Variants in SH3BGR observed in about 807,000 individuals in gnomAD.
SH3BGR encodes the protein SH3 domain-binding glutamic acid-rich protein.
Under a neutral mutation model 24.5 loss-of-function variants are expected in SH3BGR, and 29 were observed. The observed-to-expected ratio is 1.18, with a 90% CI of 0.88 to 1.61. The LOEUF is 1.61. SH3BGR is among the 40% of genes most tolerant of loss of function. The probability of loss-of-function intolerance (pLI) is 0.00; values close to 1 mark genes in which losing one functional copy is unlikely to be tolerated. For missense variants in SH3BGR, 162 were observed against 205.8 expected (o/e 0.79, Z 1.30); for synonymous variants, 55 against 65.7 (o/e 0.84, Z 0.79).
chr21:39,478,337 G>A (rs990344929), intron 3 of SH3BGR, among the ~76,000 whole-genome samples: 1 of 152,164 alleles, frequency 6.6e-6, no homozygotes. Context: ...AACCGGGAAG[G>A]TGCCGCTCCA....
intron 3 of SH3BGR, among the ~76,000 whole-genome samples, chr21:39,497,729 AT>A (rs2078423177): frequency 6.6e-6 from 1 of 152,166 alleles, no homozygotes; most frequent in African/African-American, 2.4e-5. Context: ...TTTATAAAAA[AT>A]ATGCCCTTAT....
chr21:39,473,810 A>G (rs538877721), intron 2 of SH3BGR, among the ~76,000 whole-genome samples: 1 of 151,552 alleles, frequency 6.6e-6, no homozygotes, highest in South Asian at 2.1e-4. Flanking sequence ...GCTTGAACCC[A>G]GGAGGCAGAG....
intron 4 of SH3BGR, among the ~76,000 whole-genome samples, chr21:39,507,183 A>C (rs1338339536): frequency 3.9e-5 from 6 of 152,194 alleles, no homozygotes; most frequent in Non-Finnish European, 8.8e-5. Context: ...TCTTGGCCTG[A>C]TTCAGACCTG....
chr21:39,489,418 G>A (rs982312912), intron 3 of SH3BGR, among the ~76,000 whole-genome samples: 1 of 152,236 alleles, frequency 6.6e-6, no homozygotes. Flanking sequence ...GCCCTGCACA[G>A]CCTCAGTGGT....
At chr21:39,508,917 A>G (rs1466042344) in intron 4 of SH3BGR, 81 bp from the exon 5 acceptor site, 2 of 1,044,956 alleles carry the variant, frequency 1.9e-6, no homozygotes, top group Non-Finnish European at 2.9e-6. Context: ...GTATTTTATT[A>G]TAGTTTGCTT....
At chr21:39,447,666 G>T (rs915591531), upstream of SH3BGR, among the ~76,000 whole-genome samples, 4 of 151,948 alleles carry the variant, frequency 2.6e-5, no homozygotes, top group African/African-American at 7.3e-5. Context: ...TGATCTGCCC[G>T]CCTCGGCCTC....
At position 39,488,351 on chromosome 21, in the gene SH3BGR, C is replaced by G. The variant is rs141371587; in HGVS notation, c.313-11472C>G. 47 of 222,882 alleles carry G rather than the reference C, an allele frequency of 2.1e-4. 1 individual carries two copies. In the East Asian group the frequency reaches 4.7e-3, roughly 22 times the overall value. 13.8% of individuals were successfully genotyped at this position (222,882 alleles called of 1,614,324 possible). A position where few individuals can be genotyped will look rare whatever the true frequency, so the allele number is the denominator to read the frequency against. ...CATGTAACTTCATTGAGAACCAGAC[C>G]GCAGAGTTCAAGGAGGCCTTCCAGC... is the stretch of plus-strand genomic sequence containing the variant. On this transcript the variant is annotated intron_variant, in intron 3 of 6. Coordinates refer to ENST00000333634, the MANE Select transcript of SH3BGR (RefSeq NM_007341.3).
chr21:39,446,536 C>T (rs1034256200), intron 1 of SH3BGR, among the ~76,000 whole-genome samples: 1 of 152,110 alleles, frequency 6.6e-6, no homozygotes, highest in Non-Finnish European at 1.5e-5. Context: ...GTAAGTGTCC[C>T]GATACTTGGC....
intron 2 of SH3BGR, among the ~76,000 whole-genome samples, chr21:39,472,678 C>T (rs1473278846): frequency 6.6e-6 from 1 of 152,064 alleles, no homozygotes; most frequent in African/African-American, 2.4e-5. Flanking sequence ...GAATATTTTC[C>T]CCTTCACCCA....
At chr21:39,481,237 G>T (rs1211952484) in intron 3 of SH3BGR, among the ~76,000 whole-genome samples, 1 of 152,206 alleles carries the variant, frequency 6.6e-6, no homozygotes, top group African/African-American at 2.4e-5. Context: ...GGTAGAGGCA[G>T]GAGGATAGTT....
intron 3 of SH3BGR, among the ~76,000 whole-genome samples, chr21:39,483,293 AAAAAT>A (rs769796296): frequency 6.6e-6 from 1 of 152,212 alleles, no homozygotes; most frequent in Non-Finnish European, 1.5e-5. Context: ...TTTCAGCAAC[AAAAAT>A]AAAATAAAAT....
chr21:39,510,170 C>T (rs1450822846), intron 5 of SH3BGR, among the ~76,000 whole-genome samples: 4 of 126,560 alleles, frequency 3.2e-5, no homozygotes, highest in Middle Eastern at 4.7e-3. Flanking sequence ...TCTCGATCTC[C>T]TGACCTTGTG....
chr21:39,508,950 C>T (rs762250060), intron 4 of SH3BGR, 48 bp from the exon 5 acceptor site: 13 of 1,398,824 alleles, frequency 9.3e-6, no homozygotes, highest in South Asian at 3.7e-5. Flanking sequence ...TGACTTTAAA[C>T]GTACTTGAAT....
At chr21:39,466,569 AG>A (rs1366763499) in intron 2 of SH3BGR, among the ~76,000 whole-genome samples, 4 of 152,244 alleles carry the variant, frequency 2.6e-5, no homozygotes, top group Non-Finnish European at 5.9e-5. Context: ...ATGGCTGGAA[AG>A]GCCTCAGGAA....
intron 3 of SH3BGR, among the ~76,000 whole-genome samples, chr21:39,481,163 C>T (rs191683089): frequency 2.8e-4 from 43 of 152,184 alleles, no homozygotes; most frequent in Admixed American, 1.0e-3. Context: ...TAGTAGCAGT[C>T]GCAACAAGAA....
rs771145084 is a variant in SH3BGR, at chr21:39,511,703, T to A, written c.459T>A (p.Gly153=). 1.1e-5 allele frequency: 17 copies of A among 1,610,374 alleles called. No homozygotes were observed. In the East Asian group the frequency reaches 3.8e-4, roughly 36 times the overall value. The change falls in exon 6 of 7, where the codon GGT becomes GGA. Residue 153 remains glycine (G), a synonymous_variant. Transcript: ENST00000333634. The surrounding 1 kb of genome is among the most constrained non-coding windows in gnomAD (Gnocchi z 4.2). ...TEETEEIAME[G]AEGEAEEEEE... The stretch of plus-strand genomic sequence containing the variant: ...AGACGGAAGAAATAGCCATGGAGGG[T>A]GCGGAAGGGGAAGCCGAGGAGGAGG...
At chr21:39,500,002 C>A in intron 4 of SH3BGR, 87 bp downstream of exon 4, 1 of 957,048 alleles carries the variant, frequency 1.0e-6, no homozygotes, top group Non-Finnish European at 1.7e-6. Flanking sequence ...ACTCTGGGCA[C>A]AAGCAGTCAG....
rs2078687108 is a variant in SH3BGR, at chr21:39,511,204, G to T, written c.436-476G>T. 6.6e-6 allele frequency among the ~76,000 whole-genome samples: 1 copy of T among 151,068 alleles called. No homozygotes were observed. Among genetic ancestry groups the T allele is most frequent in the Non-Finnish European group, 1.5e-5 (1 of 67,776 alleles). The stretch of plus-strand genomic sequence containing the variant: ...ATGGTGTGTGGTGTGTTTGGTGTGT[G>T]TGTGTGTGATGTGTGTTATGGTGTG... On this transcript the variant is annotated intron_variant, in intron 5 of 6. Transcript: ENST00000333634. This position sits in a 1 kb window ranked among gnomAD's most constrained non-coding sequence, Gnocchi z 4.2.
chr21:39,499,925 C>T lies in SH3BGR; in HGVS notation c.405+10C>T, dbSNP rs766443297. 2.3e-5 allele frequency: 37 copies of T among 1,589,136 alleles called. No individual in the cohort carries two copies. Among genetic ancestry groups the T allele is most frequent in the African/African-American group, 1.5e-4 (11 of 74,368 alleles). ...AGCCCAGGAGAAGAATGTGAGTTTT[C>T]GCTTTTTCACAGCAGTTTGACTGGA... On this transcript the variant is annotated intron_variant, in intron 4 of 6. Transcript: ENST00000333634.
Sources: allele counts gnomAD v4.1 joint callset (sites outside exome capture counted in the v4.1 genomes callset), GRCh38; gene constraint gnomAD v4.1.1; non-coding constraint Gnocchi (gnomAD v3.1); transcripts MANE v1.5; gene names NCBI Gene and HGNC (gene_info 2026-07-23, HGNC 2026-07-21).